Variants in XNDC1N observed in about 807,000 individuals in gnomAD.
The protein encoded by XNDC1N is protein XNDC1N.
the XNDC1N span, among the ~76,000 whole-genome samples, chr11:71,891,355 G>T: frequency 3.3e-5 from 5 of 151,618 alleles, no homozygotes; most frequent in African/African-American, 9.7e-5. Context: ...TTTCACAGGG[G>T]TGTGTTCACC....
At chr11:71,898,109 A>T in the XNDC1N span, among the ~76,000 whole-genome samples, 2 of 152,248 alleles carry the variant, frequency 1.3e-5, no homozygotes, top group East Asian at 3.9e-4. Context: ...GCTGGAACCC[A>T]GGAGGCGGAG....
At chr11:71,898,396 C>A in the XNDC1N span, among the ~76,000 whole-genome samples, 2 of 152,056 alleles carry the variant, frequency 1.3e-5, no homozygotes, top group Non-Finnish European at 2.9e-5. Context: ...CACTTAAGCT[C>A]AGGAGTTCGA....
At chr11:71,896,562 GT>G in the XNDC1N span, among the ~76,000 whole-genome samples, 2 of 152,268 alleles carry the variant, frequency 1.3e-5, no homozygotes, top group African/African-American at 4.8e-5. Flanking sequence ...AATCATGCTG[GT>G]TTTTTGTTTT....
chr11:71,917,520 T>G, the XNDC1N span: 2 of 701,902 alleles, frequency 2.8e-6, no homozygotes, highest in Non-Finnish European at 5.2e-6. Context: ...ACAGGCTCCC[T>G]CCCACAGTCT....
chr11:71,895,180 G>A, the XNDC1N span, among the ~76,000 whole-genome samples: 1 of 151,954 alleles, frequency 6.6e-6, no homozygotes, highest in South Asian at 2.1e-4. Context: ...GAGGCATCAA[G>A]CTCCAAAGAG....
At chr11:71,884,606 T>A in the XNDC1N span, 1 of 1,552,406 alleles carries the variant, frequency 6.4e-7, no homozygotes, top group South Asian at 1.2e-5. Context: ...AAAAAACATG[T>A]CTTAAACTCT....
chr11:71,908,293 A>C, the XNDC1N span, among the ~76,000 whole-genome samples: 1 of 151,910 alleles, frequency 6.6e-6, no homozygotes, highest in Non-Finnish European at 1.5e-5. Context: ...GAATAAGATC[A>C]ATATCAGTTA....
the XNDC1N span, chr11:71,914,298 A>G: frequency 2.2e-6 from 1 of 456,186 alleles, no homozygotes; most frequent in African/African-American, 2.0e-5. Flanking sequence ...CACAGCATCA[A>G]CATGAATGTG....
At chr11:71,882,871 T>G in the XNDC1N span, among the ~76,000 whole-genome samples, 139 of 152,312 alleles carry the variant, frequency 9.1e-4, no homozygotes, top group African/African-American at 3.2e-3. Flanking sequence ...TCCCCCAAAA[T>G]TATTAAAACT....
At chr11:71,909,104 CAT>C in the XNDC1N span, among the ~76,000 whole-genome samples, 3,547 of 152,244 alleles carry the variant, frequency 0.023, 155 homozygotes, top group African/African-American at 0.081. Flanking sequence ...AAAATCAGCA[CAT>C]GATTCACATG....
the XNDC1N span, chr11:71,904,214 C>A: frequency 7.6e-6 from 3 of 393,078 alleles, no homozygotes; most frequent in Admixed American, 5.7e-5. Context: ...AGGGTGAACA[C>A]CCATTGTGTC....
the XNDC1N span, among the ~76,000 whole-genome samples, chr11:71,897,339 G>A: frequency 6.6e-6 from 1 of 152,182 alleles, no homozygotes; most frequent in African/African-American, 2.4e-5. Flanking sequence ...TCTGAAAAGA[G>A]GCTGACAGCC....
At chr11:71,914,675 G>C in the XNDC1N span, among the ~76,000 whole-genome samples, 3 of 150,426 alleles carry the variant, frequency 2.0e-5, no homozygotes, top group East Asian at 5.8e-4. Context: ...GTGACAGAGA[G>C]AGACTTTGTC....
At chr11:71,923,981 A>C in the XNDC1N span, among the ~76,000 whole-genome samples, 2 of 152,052 alleles carry the variant, frequency 1.3e-5, no homozygotes, top group Non-Finnish European at 2.9e-5. Context: ...AGTACAAAAT[A>C]ATATATTAAG....
the XNDC1N span, chr11:71,903,210 C>A: frequency 5.9e-5 from 46 of 777,514 alleles, no homozygotes; most frequent in Non-Finnish European, 9.0e-5. Flanking sequence ...CAGAGTCTAA[C>A]AGATGTCTCT....
chr11:71,896,885 G>C, the XNDC1N span, among the ~76,000 whole-genome samples: 1 of 152,158 alleles, frequency 6.6e-6, no homozygotes, highest in African/African-American at 2.4e-5. Context: ...CTTATCTGTT[G>C]TCAGTTGTTG....
At chr11:71,904,868 G>A in the XNDC1N span, among the ~76,000 whole-genome samples, 102 of 152,014 alleles carry the variant, frequency 6.7e-4, no homozygotes, top group African/African-American at 2.3e-3. Context: ...CACAGGTGTT[G>A]AATACACATG....
At chr11:71,920,052 G>T in the XNDC1N span, among the ~76,000 whole-genome samples, 1 of 138,210 alleles carries the variant, frequency 7.2e-6, no homozygotes, top group East Asian at 2.2e-4. Context: ...CCGCCTCCCG[G>T]GTTCATGCCA....
chr11:71,889,466 C>A, the XNDC1N span, among the ~76,000 whole-genome samples: 4 of 152,170 alleles, frequency 2.6e-5, no homozygotes, highest in East Asian at 3.9e-4. Flanking sequence ...CTTCTTCTAA[C>A]GAAGAAAAGG....
Sources: allele counts gnomAD v4.1 joint callset (sites outside exome capture counted in the v4.1 genomes callset), GRCh38; gene constraint gnomAD v4.1.1; transcripts MANE v1.5; gene names NCBI Gene and HGNC (gene_info 2026-07-23, HGNC 2026-07-21).